Variants in EPB41 observed in about 807,000 individuals in gnomAD.
EPB41 encodes erythrocyte membrane protein band 4.1, also known as protein 4.1.
In EPB41, 65 loss-of-function variants were observed where a neutral mutation model predicts 108.0. The ratio of observed to expected loss-of-function variants is 0.60; its 90% confidence interval spans 0.49 to 0.74. The LOEUF is 0.74. Among genes scored for constraint, EPB41 ranks in the 30% least tolerant of loss-of-function variants. The pLI is 0.00. For synonymous variants in EPB41, 336 were observed against 358.9 expected, an observed-to-expected ratio of 0.94 and a Z score of 0.72; for missense variants, 875 against 1,037.0, an observed-to-expected ratio of 0.84 and a Z score of 2.15.
intron 1 of EPB41, among the ~76,000 whole-genome samples, chr1:28,891,986 G>C (rs931378715): frequency 6.7e-6 from 1 of 149,924 alleles, no homozygotes; most frequent in Non-Finnish European, 1.5e-5. Flanking sequence ...CCAGCTACTC[G>C]GGATGCTGAG....
intron 4 of EPB41, among the ~76,000 whole-genome samples, chr1:29,004,948 A>G (rs966184898): frequency 2.1e-4 from 32 of 152,184 alleles, no homozygotes; most frequent in African/African-American, 7.2e-4. Flanking sequence ...TGGGGGTTTT[A>G]GGACCTCCAT....
At chr1:28,892,365 C>T (rs1185888994) in intron 1 of EPB41, among the ~76,000 whole-genome samples, 1 of 152,118 alleles carries the variant, frequency 6.6e-6, no homozygotes, top group East Asian at 1.9e-4. Flanking sequence ...ATCCTCACAT[C>T]AACCCTGTGA....
In EPB41 at chr1:29,102,108, C is replaced by T. The variant is rs1030830007; in HGVS notation, c.2313+4173C>T. ...TAGGAAATTACTTAAAAATTGTACA[C>T]GCTATTAGCCAGAGGATATAGGAAA... On this transcript the variant is annotated intron_variant, in intron 17 of 20. Coordinates refer to ENST00000343067, the MANE Select transcript of EPB41 (RefSeq NM_001376013.1). 3.9e-5 allele frequency among the ~76,000 whole-genome samples: 6 copies of T among 152,188 alleles called. No homozygotes were observed. The East Asian group carries it at 5.8e-4, about 15-fold the overall frequency.
rs943137813 is a variant in EPB41 at position 29,096,242 on chromosome 1, C to G, written c.2185-1565C>G. ...TGACTCTGAATGGGAGGGTCCCAAG[C>G]ATTCGGTAGTTCCTAGTAAAAGCCA... On this transcript the variant is annotated intron_variant, in intron 16 of 20. Coordinates refer to ENST00000343067, the MANE Select transcript of EPB41 (RefSeq NM_001376013.1). 7 of 985,752 alleles carry G rather than the reference C, an allele frequency of 7.1e-6. No individual in the cohort carries two copies. The Admixed American group carries it at 3.7e-4, about 52-fold the overall frequency. 61.1% of individuals were successfully genotyped at this position (985,752 alleles called of 1,614,324 possible). A position where few individuals can be genotyped will look rare whatever the true frequency, so the allele number is the denominator to read the frequency against.
intron 16 of EPB41, chr1:29,068,733 G>C: frequency 2.4e-6 from 3 of 1,232,076 alleles, no homozygotes; most frequent in Non-Finnish European, 3.0e-6. Context: ...GTATGACCAG[G>C]TGAAGAAAAC....
chr1:29,058,312 A>G (rs1645903980), intron 12 of EPB41, among the ~76,000 whole-genome samples: 1 of 152,210 alleles, frequency 6.6e-6, no homozygotes, highest in Admixed American at 6.5e-5. Context: ...GTATAAAAAT[A>G]TATTTTCTTC....
chr1:29,083,013 C>T (rs1239014555), intron 16 of EPB41, among the ~76,000 whole-genome samples: 1 of 151,888 alleles, frequency 6.6e-6, no homozygotes, highest in Non-Finnish European at 1.5e-5. Flanking sequence ...TAGTAAAGGC[C>T]CACATCTTCC....
At chr1:29,053,009 G>A (rs947715039) in intron 11 of EPB41, 95 bp from the exon 12 acceptor site, 3 of 1,331,676 alleles carry the variant, frequency 2.3e-6, no homozygotes, top group Non-Finnish European at 3.2e-6. Flanking sequence ...ACATTCGTGT[G>A]TATCCTGGAT....
At chr1:29,096,105 C>G in intron 16 of EPB41, 2 of 963,486 alleles carry the variant, frequency 2.1e-6, no homozygotes, top group Non-Finnish European at 2.5e-6. Flanking sequence ...AGTTCATTCT[C>G]CCACTTATAC....
intron 1 of EPB41, among the ~76,000 whole-genome samples, chr1:28,898,499 A>C (rs1410219718): frequency 6.6e-6 from 1 of 152,216 alleles, no homozygotes; most frequent in Non-Finnish European, 1.5e-5. Context: ...GGAGGCTTCA[A>C]TGAGATAATC....
At chr1:29,104,827 A>T (rs1666608092) in intron 17 of EPB41, among the ~76,000 whole-genome samples, 1 of 151,810 alleles carries the variant, frequency 6.6e-6, no homozygotes, top group South Asian at 2.1e-4. Flanking sequence ...TGACCTCATG[A>T]TCCTTCCGCC....
At chr1:29,109,741 A>C in intron 18 of EPB41, 1 of 415,288 alleles carries the variant, frequency 2.4e-6, no homozygotes, top group Non-Finnish European at 4.5e-6. Flanking sequence ...GTAAGTTTAA[A>C]AAGTCAGCAT....
At chr1:28,938,329 A>G (rs1457247412) in intron 1 of EPB41, among the ~76,000 whole-genome samples, 1 of 152,188 alleles carries the variant, frequency 6.6e-6, no homozygotes, top group African/African-American at 2.4e-5. Context: ...CTTCTAATCT[A>G]TGAACATGGG....
intron 16 of EPB41, among the ~76,000 whole-genome samples, chr1:29,092,344 A>C (rs1661564611): frequency 6.6e-6 from 1 of 151,788 alleles, no homozygotes; most frequent in Non-Finnish European, 1.5e-5. Context: ...CGCCCACCTC[A>C]GTCTCCCAAA....
intron 1 of EPB41, among the ~76,000 whole-genome samples, chr1:28,898,882 A>G (rs1245320781): frequency 2.0e-5 from 3 of 150,010 alleles, no homozygotes; most frequent in Non-Finnish European, 4.5e-5. Flanking sequence ...AAATAGCTTT[A>G]TTTTTTTTTT....
intron 1 of EPB41, among the ~76,000 whole-genome samples, chr1:28,908,253 T>G (rs531958110): frequency 6.6e-6 from 1 of 151,258 alleles, no homozygotes; most frequent in African/African-American, 2.4e-5. Context: ...CACATGAAAA[T>G]TAGCTGGGTG....
At chr1:29,035,401 A>G (rs190026151) in intron 9 of EPB41, among the ~76,000 whole-genome samples, 5 of 152,262 alleles carry the variant, frequency 3.3e-5, no homozygotes, top group Admixed American at 3.3e-4. Context: ...TCCTATTACT[A>G]ATTTCTATTG....
chr1:28,937,963 C>T (rs2148702609), intron 1 of EPB41, among the ~76,000 whole-genome samples: 1 of 152,286 alleles, frequency 6.6e-6, no homozygotes, highest in East Asian at 1.9e-4. Flanking sequence ...ACTTTCCTTT[C>T]CTCCATTGAA....
intron 17 of EPB41, among the ~76,000 whole-genome samples, chr1:29,108,139 C>G (rs928564331): frequency 1.3e-5 from 2 of 149,544 alleles, no homozygotes; most frequent in African/African-American, 4.9e-5. Context: ...ATGTTCCTGC[C>G]TCTTATTTCT....
Sources: gnomAD v4.1 joint callset for allele counts (sites outside exome capture counted in the v4.1 genomes callset) on GRCh38, gnomAD v4.1.1 for gene constraint, MANE v1.5 for transcripts, NCBI Gene and HGNC (gene_info 2026-07-23, HGNC 2026-07-21) for gene names.